Variants in CAST observed in about 807,000 individuals in gnomAD.
CAST encodes the protein calpastatin.
Under a neutral mutation model 119.6 loss-of-function variants are expected in CAST, and 76 were observed. The observed-to-expected ratio is 0.64, with a 90% CI of 0.53 to 0.77. The LOEUF (loss-of-function observed/expected upper bound fraction) is 0.77. Ranked by LOEUF, CAST falls within the 30% of genes least tolerant of loss-of-function variation. The pLI is 0.00. For missense variants in CAST, 953 were observed against 946.5 expected (o/e 1.01, Z -0.09); for synonymous variants, 319 against 331.6 (o/e 0.96, Z 0.41).
intron 1 of CAST, among the ~76,000 whole-genome samples, chr5:96,572,878 TATGG>T (rs1328967444): frequency 6.6e-6 from 1 of 152,152 alleles, no homozygotes; most frequent in Non-Finnish European, 1.5e-5. Flanking sequence ...TCCTGGGAAG[TATGG>T]ATGCACAGCA....
chr5:96,219,062 G>A, the CAST span, among the ~76,000 whole-genome samples: 1 of 152,148 alleles, frequency 6.6e-6, no homozygotes, highest in Admixed American at 6.5e-5. Flanking sequence ...GTATATGCCT[G>A]GCACAGGATA....
chr5:96,107,604 G>A, the CAST span, among the ~76,000 whole-genome samples: 2 of 152,182 alleles, frequency 1.3e-5, no homozygotes, highest in South Asian at 4.1e-4. Flanking sequence ...CTGTTAGTCT[G>A]ATGGGCTTCC....
At chr5:96,027,593 CAA>C in the CAST span, among the ~76,000 whole-genome samples, 2 of 151,898 alleles carry the variant, frequency 1.3e-5, no homozygotes, top group African/African-American at 4.8e-5. Flanking sequence ...AATGTGGAAA[CAA>C]TGTAAATGAG....
At chr5:96,189,611 A>G in the CAST span, among the ~76,000 whole-genome samples, 3,248 of 152,108 alleles carry the variant, frequency 0.021, 111 homozygotes, top group African/African-American at 0.074. Context: ...TGGGACCCCT[A>G]TTGGTTGAGC....
chr5:96,735,776 G>A (rs1029405428), intron 9 of CAST, among the ~76,000 whole-genome samples: 3 of 152,238 alleles, frequency 2.0e-5, no homozygotes, highest in African/African-American at 7.2e-5. Flanking sequence ...GGATATGGAA[G>A]TCTTGATGTG....
chr5:96,677,193 T>G (rs542416048), intron 2 of CAST, among the ~76,000 whole-genome samples: 2 of 152,254 alleles, frequency 1.3e-5, no homozygotes, highest in African/African-American at 4.8e-5. Context: ...TTGTGTTCTT[T>G]TATTCTCCAG....
the CAST span, among the ~76,000 whole-genome samples, chr5:96,104,168 C>T: frequency 5.3e-5 from 8 of 151,970 alleles, no homozygotes; most frequent in Admixed American, 4.6e-4. Context: ...CGAAAATTTT[C>T]GCCCATTTTG....
the CAST span, among the ~76,000 whole-genome samples, chr5:96,442,621 G>A: frequency 7.2e-5 from 11 of 152,190 alleles, no homozygotes; most frequent in South Asian, 6.2e-4. Context: ...TAATACTTAC[G>A]TGGATTAAGT....
chr5:96,774,620 A>ATAT lies in CAST; in HGVS notation c.*2006_*2008dup. The ATAT allele has an allele frequency of 1.0e-6, 1 of 985,512 alleles. No homozygotes were observed. Among genetic ancestry groups the ATAT allele is most frequent in the African/African-American group, 1.7e-5 (1 of 57,362 alleles). 61.0% of individuals were successfully genotyped at this position (985,512 alleles called of 1,614,324 possible). On this transcript the variant is annotated 3_prime_UTR_variant, in exon 32 of 32. Coordinates refer to ENST00000675179, the MANE Select transcript of CAST (RefSeq NM_001750.7). ...CTCAGGTGACCAAAACTGAAAATCA[A>ATAT]TATTTCCATGTTTCATTAATCAAGG...
rs535880980 is a variant in CAST at position 96,638,915 on chromosome 5, C to A, written c.61-36624C>A. 2.6e-5 allele frequency among the ~76,000 whole-genome samples: 4 copies of A among 152,280 alleles called. No homozygotes were observed. The South Asian group carries it at 8.3e-4, about 32-fold the overall frequency. On this transcript the variant is annotated intron_variant, in intron 1 of 11. Coordinates refer to the CAST transcript ENST00000505143. ...TCATCTCCTTCTCTCTACCGCAGCACCTAAGGACATTGTTTTCAAAGAGAG... is the reference window on the plus strand; with the variant it reads ...TCATCTCCTTCTCTCTACCGCAGCAACTAAGGACATTGTTTTCAAAGAGAG...
chr5:96,432,591 C>T, the CAST span, among the ~76,000 whole-genome samples: 3 of 152,324 alleles, frequency 2.0e-5, no homozygotes, highest in South Asian at 6.2e-4. Context: ...CGCGCGGGAA[C>T]GGATTTCAAT....
chr5:96,574,766 T>G (rs571277115), intron 1 of CAST, among the ~76,000 whole-genome samples: 9 of 152,296 alleles, frequency 5.9e-5, no homozygotes, highest in Non-Finnish European at 1.3e-4. Flanking sequence ...GTCCAATTGC[T>G]CCAGGATTTG....
the CAST span, chr5:95,961,659 C>A: frequency 6.2e-7 from 1 of 1,609,948 alleles, no homozygotes; most frequent in South Asian, 1.1e-5. Context: ...CCTGCCCCAG[C>A]CGTCCGCACG....
At chr5:96,038,087 G>A in the CAST span, among the ~76,000 whole-genome samples, 1 of 152,082 alleles carries the variant, frequency 6.6e-6, no homozygotes, top group Non-Finnish European at 1.5e-5. Flanking sequence ...TAGCTTTGAA[G>A]GTCATGCATC....
chr5:96,094,632 A>T, the CAST span, among the ~76,000 whole-genome samples: 1 of 152,152 alleles, frequency 6.6e-6, no homozygotes, highest in Non-Finnish European at 1.5e-5. Context: ...CATTTTACTG[A>T]TAAAGATATG....
intron 1 of CAST, among the ~76,000 whole-genome samples, chr5:96,641,597 A>T (rs149618502): frequency 6.6e-6 from 1 of 152,324 alleles, no homozygotes; most frequent in African/African-American, 2.4e-5. Context: ...TCACAGCCTC[A>T]TCTACAGCCT....
the CAST span, among the ~76,000 whole-genome samples, chr5:96,126,624 G>A: frequency 1.3e-5 from 2 of 151,934 alleles, no homozygotes; most frequent in East Asian, 3.9e-4. Context: ...AACCAAGGTA[G>A]CTGTTGTATT....
chr5:95,972,500 T>G, the CAST span, among the ~76,000 whole-genome samples: 2 of 152,146 alleles, frequency 1.3e-5, no homozygotes, highest in African/African-American at 2.4e-5. Flanking sequence ...CATATATCCA[T>G]GTGTTTGTTT....
At chr5:96,223,859 T>C in the CAST span, among the ~76,000 whole-genome samples, 1 of 152,204 alleles carries the variant, frequency 6.6e-6, no homozygotes, top group Non-Finnish European at 1.5e-5. Flanking sequence ...TTTCTGAGAA[T>C]ATTAAAACTT....
Sources: gnomAD v4.1 joint callset for allele counts (sites outside exome capture counted in the v4.1 genomes callset) on GRCh38, gnomAD v4.1.1 for gene constraint, MANE v1.5 for transcripts, NCBI Gene and HGNC (gene_info 2026-07-23, HGNC 2026-07-21) for gene names.